The following KCNH8 variants were observed in gnomAD, a reference collection of about 807,000 sequenced individuals.
KCNH8 encodes voltage-gated delayed rectifier potassium channel KCNH8.
In KCNH8, 70 loss-of-function variants were observed where a neutral mutation model predicts 103.6. That is an observed-to-expected ratio of 0.68 (90% CI 0.56 to 0.82). KCNH8 has a LOEUF of 0.82. KCNH8 is among the 40% of genes least tolerant of loss of function. KCNH8 has a pLI of 0.00. For synonymous variants in KCNH8, 498 were observed against 489.4 expected, an observed-to-expected ratio of 1.02 and a Z score of -0.23; for missense variants, 1,217 against 1,329.9, an observed-to-expected ratio of 0.92 and a Z score of 1.32.
chr3:19,167,404 A>G (rs1431070104), intron 1 of KCNH8, among the ~76,000 whole-genome samples: 1 of 152,228 alleles, frequency 6.6e-6, no homozygotes, highest in Non-Finnish European at 1.5e-5. Flanking sequence ...CCCCATTTAA[A>G]TGTGAATCAT....
intron 1 of KCNH8, among the ~76,000 whole-genome samples, chr3:19,175,308 G>T (rs1210939941): frequency 2.7e-5 from 4 of 147,894 alleles, no homozygotes; most frequent in Admixed American, 6.8e-5. Context: ...TGCAAGCTCC[G>T]CCTCCCGGGT....
intron 3 of KCNH8, among the ~76,000 whole-genome samples, chr3:19,300,949 T>C (rs1477185449): frequency 6.6e-6 from 1 of 151,940 alleles, no homozygotes; most frequent in African/African-American, 2.4e-5. Flanking sequence ...TTAAGCTACC[T>C]GAAATGCTTT....
At chr3:19,519,279 A>T (rs2068930719) in intron 15 of KCNH8, among the ~76,000 whole-genome samples, 1 of 151,950 alleles carries the variant, frequency 6.6e-6, no homozygotes, top group African/African-American at 2.4e-5. Flanking sequence ...GTAAAGTCTT[A>T]GTAATAGTTG....
At chr3:19,364,945 T>C (rs923933461) in intron 5 of KCNH8, among the ~76,000 whole-genome samples, 1 of 152,236 alleles carries the variant, frequency 6.6e-6, no homozygotes, top group South Asian at 2.1e-4. Context: ...TCCTTAACCA[T>C]ATGAAACTGC....
intron 1 of KCNH8, among the ~76,000 whole-genome samples, chr3:19,196,150 A>G (rs1309057857): frequency 6.6e-6 from 1 of 151,996 alleles, no homozygotes; most frequent in Non-Finnish European, 1.5e-5. Flanking sequence ...ATTCTCTTCA[A>G]GAGACTCAAG....
At chr3:19,212,809 ACT>A (rs2063783596) in intron 1 of KCNH8, among the ~76,000 whole-genome samples, 1 of 152,114 alleles carries the variant, frequency 6.6e-6, no homozygotes, top group South Asian at 2.1e-4. Flanking sequence ...CAGTTAAATC[ACT>A]TTGTATTTTT....
chr3:19,501,331 G>A (rs1249029632), intron 11 of KCNH8, among the ~76,000 whole-genome samples: 5 of 152,150 alleles, frequency 3.3e-5, no homozygotes, highest in Non-Finnish European at 7.3e-5. Flanking sequence ...ATTCACAGCC[G>A]AATTCTACCA....
intron 5 of KCNH8, among the ~76,000 whole-genome samples, chr3:19,376,022 T>C (rs1168798008): frequency 6.6e-6 from 1 of 152,198 alleles, no homozygotes; most frequent in African/African-American, 2.4e-5. Flanking sequence ...CAGGGACATT[T>C]AAGTCTGCAG....
rs777202592 is a variant in KCNH8 at position 19,217,458 on chromosome 3, A to G, written c.77-36196A>G. Among the ~76,000 whole-genome samples the G allele has an allele frequency of 3.0e-4, 45 of 152,030 alleles. 1 individual carries two copies. Among genetic ancestry groups the G allele is most frequent in the Admixed American group, 1.3e-4 (2 of 15,264 alleles). On this transcript the variant is annotated intron_variant, in intron 1 of 15. Transcript: ENST00000328405. ...CTTTTTAGCCATTTTTATGTTTTTTATTTGTTCATCAATACTCTTTCCTAG... is the reference window on the plus strand; with the variant it reads ...CTTTTTAGCCATTTTTATGTTTTTTGTTTGTTCATCAATACTCTTTCCTAG...
intron 5 of KCNH8, among the ~76,000 whole-genome samples, chr3:19,348,706 G>A (rs764967884): frequency 1.3e-5 from 2 of 151,982 alleles, no homozygotes; most frequent in Admixed American, 6.6e-5. Flanking sequence ...GTCATTAGCA[G>A]CTGATACCTG....
rs374524226 is a variant in KCNH8 at position 19,248,954 on chromosome 3, A to C, written c.77-4700A>C. 9.8e-5 allele frequency among the ~76,000 whole-genome samples: 15 copies of C among 152,306 alleles called. 2 individuals are homozygous for C. Among genetic ancestry groups the C allele is most frequent in the Admixed American group, 5.2e-4 (8 of 15,292 alleles). On this transcript the variant is annotated intron_variant, in intron 1 of 15. Transcript: ENST00000328405. ...TGAAGATTCATGAAAGCTTCTTGCTAAGAAAGCATTTAGAGAAATAGTCAG... is the reference window on the plus strand; with the variant it reads ...TGAAGATTCATGAAAGCTTCTTGCTCAGAAAGCATTTAGAGAAATAGTCAG...
intron 5 of KCNH8, among the ~76,000 whole-genome samples, chr3:19,384,736 C>T (rs1052660515): frequency 6.6e-6 from 1 of 152,078 alleles, no homozygotes; most frequent in Non-Finnish European, 1.5e-5. Context: ...CATATTTGCT[C>T]CTGTCTCCCA....
chr3:19,300,249 TA>T (rs749359588), intron 3 of KCNH8, among the ~76,000 whole-genome samples: 170 of 130,740 alleles, frequency 1.3e-3, no homozygotes, highest in Middle Eastern at 3.9e-3. Context: ...ACTCTGTCTA[TA>T]AAAAAAAAAA....
intron 3 of KCNH8, among the ~76,000 whole-genome samples, chr3:19,293,368 A>G (rs1000828935): frequency 6.6e-6 from 1 of 152,218 alleles, no homozygotes; most frequent in Non-Finnish European, 1.5e-5. Flanking sequence ...TTATTGAAAC[A>G]GAGCTCCTAT....
chr3:19,236,070 T>C (rs1433273237), intron 1 of KCNH8, among the ~76,000 whole-genome samples: 2 of 152,190 alleles, frequency 1.3e-5, no homozygotes, highest in African/African-American at 2.4e-5. Context: ...GGCAAAAGCT[T>C]GGTGGCATAG....
chr3:19,190,454 C>G lies in KCNH8; in HGVS notation c.76+41659C>G, dbSNP rs557653330. Among the ~76,000 whole-genome samples the G allele has an allele frequency of 4.6e-5, 7 of 151,920 alleles. No homozygotes were observed. The East Asian group carries it at 1.4e-3, about 29-fold the overall frequency. ...TATTGTTTTTGTATTTTATTTTATC[C>G]TAGAAATATTTTGAAAGCTGTAAAC... On this transcript the variant is annotated intron_variant, in intron 1 of 15. Transcript: ENST00000328405.
At chr3:19,360,688 A>T (rs2065936456) in intron 5 of KCNH8, among the ~76,000 whole-genome samples, 1 of 152,082 alleles carries the variant, frequency 6.6e-6, no homozygotes, top group African/African-American at 2.4e-5. Context: ...AATAAAATTG[A>T]TACAATTTTA....
At chr3:19,474,021 T>C (rs770775731) in intron 11 of KCNH8, among the ~76,000 whole-genome samples, 15 of 152,290 alleles carry the variant, frequency 9.8e-5, no homozygotes, top group Non-Finnish European at 1.9e-4. Context: ...TTTGAGGCTG[T>C]GCCAGGATAA....
At chr3:19,358,242 T>A (rs757042156) in intron 5 of KCNH8, among the ~76,000 whole-genome samples, 298 of 93,850 alleles carry the variant, frequency 3.2e-3, no homozygotes, top group Admixed American at 8.0e-3. Context: ...TCTTTCATTC[T>A]TTCTTTCTTT....
Sources: gnomAD v4.1 joint callset for allele counts (sites outside exome capture counted in the v4.1 genomes callset) on GRCh38, gnomAD v4.1.1 for gene constraint, MANE v1.5 for transcripts, NCBI Gene and HGNC (gene_info 2026-07-23, HGNC 2026-07-21) for gene names.